Variants in PPP2R5C observed in about 807,000 individuals in gnomAD.
The protein encoded by PPP2R5C is protein phosphatase 2 regulatory subunit B'gamma, also known as serine/threonine-protein phosphatase 2A 56 kDa regulatory subunit gamma isoform.
Under a neutral mutation model 68.9 loss-of-function variants are expected in PPP2R5C, and 7 were observed. That is an observed-to-expected ratio of 0.10 (90% confidence interval 0.06 to 0.19). The LOEUF (loss-of-function observed/expected upper bound fraction) is 0.19, where lower values mean the gene tolerates loss of function less well. Ranked by LOEUF, PPP2R5C falls within the 10% of genes least tolerant of loss-of-function variation. The probability of loss-of-function intolerance (pLI) is 1.00; values close to 1 mark genes in which losing one functional copy is unlikely to be tolerated. For synonymous variants in PPP2R5C, 210 were observed against 222.2 expected (o/e 0.95, Z 0.49); for missense variants, 348 against 641.3 (o/e 0.54, Z 4.94).
chr14:101,854,998 C>T (rs192567284), intron 1 of PPP2R5C, among the ~76,000 whole-genome samples: 43 of 152,202 alleles, frequency 2.8e-4, no homozygotes, highest in African/African-American at 7.0e-4. Context: ...GGTGAAACCC[C>T]GTCTCTACTA....
intron 3 of PPP2R5C, among the ~76,000 whole-genome samples, chr14:101,798,866 G>T (rs956526480): frequency 1.6e-4 from 24 of 152,334 alleles, no homozygotes; most frequent in Middle Eastern, 3.4e-3. Flanking sequence ...TGAGTGGAAG[G>T]CATCCACTCC....
chr14:101,859,149 A>G (rs2042610792), intron 2 of PPP2R5C, among the ~76,000 whole-genome samples: 1 of 152,222 alleles, frequency 6.6e-6, no homozygotes, highest in Non-Finnish European at 1.5e-5. Context: ...GGGTGAGGAA[A>G]TAGAATGGCG....
chr14:101,842,538 A>C (rs1037678051), intron 1 of PPP2R5C, among the ~76,000 whole-genome samples: 1 of 152,138 alleles, frequency 6.6e-6, no homozygotes, highest in African/African-American at 2.4e-5. Context: ...TGTGCTGGTG[A>C]CAGGCATGAG....
intron 1 of PPP2R5C, among the ~76,000 whole-genome samples, chr14:101,840,914 C>T (rs1413367744): frequency 3.3e-5 from 5 of 152,176 alleles, no homozygotes; most frequent in African/African-American, 1.2e-4. Flanking sequence ...AATGTTGCTT[C>T]CGTTGGTTGC....
chr14:101,824,164 T>C, intron 1 of PPP2R5C: 1 of 1,273,998 alleles, frequency 7.8e-7, no homozygotes, highest in Non-Finnish European at 1.0e-6. Flanking sequence ...CAAGAGTATT[T>C]TCGTGGTAAA....
intron 1 of PPP2R5C, chr14:101,824,266 CATG>C: frequency 9.4e-7 from 1 of 1,064,362 alleles, no homozygotes; most frequent in Non-Finnish European, 1.2e-6. Flanking sequence ...AATGATATAG[CATG>C]AAGTTCTTGC....
At chr14:101,860,610 G>A (rs984464117) in intron 2 of PPP2R5C, among the ~76,000 whole-genome samples, 11 of 152,094 alleles carry the variant, frequency 7.2e-5, no homozygotes, top group Admixed American at 1.3e-4. Context: ...CTACCAGACC[G>A]TTTTCACAGT....
rs2045707753 is a variant in PPP2R5C, at chr14:101,901,742, C to T, written c.876C>T (p.Tyr292=). The change falls in exon 9 of 14, where the codon TAC becomes TAT. Residue 292 remains tyrosine, a synonymous_variant. Coordinates refer to ENST00000334743, the Ensembl canonical transcript of PPP2R5C. ...AGGTGGTGATGGCACTTCTCAAATACTGGCCAAAGACTCACAGTCCAAAAG... is the reference window on the plus strand; with the variant it reads ...AGGTGGTGATGGCACTTCTCAAATATTGGCCAAAGACTCACAGTCCAAAAG... 3 of 1,613,704 alleles carry T rather than the reference C, an allele frequency of 1.9e-6. 1 individual carries two copies. Among genetic ancestry groups the T allele is most frequent in the African/African-American group, 2.7e-5 (2 of 74,932 alleles).
chr14:101,764,030 G>GTGCGC (rs1462659583), intron 2 of PPP2R5C, among the ~76,000 whole-genome samples: 20 of 146,146 alleles, frequency 1.4e-4, no homozygotes, highest in Admixed American at 4.7e-4. Flanking sequence ...TGTGTGTGTG[G>GTGCGC]GCGCGCGCAC....
rs2046773355 is a variant in PPP2R5C, at chr14:101,917,873, G to A, written c.1369G>A (p.Ala457Thr). 6.2e-7 allele frequency: 1 copy of A among 1,613,796 alleles called. No homozygotes were observed. Among genetic ancestry groups the A allele is most frequent in the Non-Finnish European group, 8.5e-7 (1 of 1,179,766 alleles). ...AGCCAGCACCATGAGCATTCCGGTT[G>A]CAATGGAGACAGATGGGCCTTTATT... Residue 457 changes from alanine (A) to threonine (T), a missense_variant, in exon 13 of 14, where the codon GCA (alanine) becomes ACA (threonine). This residue lies in a region of PPP2R5C where 118 missense variants were observed against 108.9 expected (regional missense o/e 1.08). Coordinates refer to ENST00000334743, the Ensembl canonical transcript of PPP2R5C. The surrounding 1 kb of genome is among the most constrained non-coding windows in gnomAD (Gnocchi z 4.4).
At chr14:101,871,382 T>G (rs2043404610) in intron 2 of PPP2R5C, among the ~76,000 whole-genome samples, 1 of 152,056 alleles carries the variant, frequency 6.6e-6, no homozygotes, top group African/African-American at 2.4e-5. Flanking sequence ...TAGCTGGGAC[T>G]ACAGGCGCCC....
chr14:101,854,210 G>A (rs528535152), intron 1 of PPP2R5C, among the ~76,000 whole-genome samples: 11 of 152,212 alleles, frequency 7.2e-5, no homozygotes, highest in Admixed American at 5.9e-4. Context: ...GATCCTACAG[G>A]CAGTACACCC....
chr14:101,803,680 C>T (rs1781963222), intron 3 of PPP2R5C, among the ~76,000 whole-genome samples: 1 of 150,872 alleles, frequency 6.6e-6, no homozygotes, highest in Non-Finnish European at 1.5e-5. Context: ...GCAGACATCG[C>T]ACCACTGCAC....
At chr14:101,898,364 G>A (rs993711690) in intron 8 of PPP2R5C, among the ~76,000 whole-genome samples, 6 of 152,112 alleles carry the variant, frequency 3.9e-5, no homozygotes, top group African/African-American at 7.2e-5. Context: ...TCTCTATCCC[G>A]CCATCCACTG....
intron 2 of PPP2R5C, among the ~76,000 whole-genome samples, chr14:101,763,990 A>G (rs1206680509): frequency 6.7e-6 from 1 of 149,184 alleles, no homozygotes; most frequent in African/African-American, 2.5e-5. Flanking sequence ...TTGGTATTTT[A>G]TTATTGTTCA....
At position 101,797,137 on chromosome 14, in the gene PPP2R5C, C is replaced by A. The variant is rs2038648223; in HGVS notation, c.259+10954C>A. 1 of 455,866 alleles carries A rather than the reference C, an allele frequency of 2.2e-6. No homozygotes were observed. 28.2% of individuals were successfully genotyped at this position (455,866 alleles called of 1,614,324 possible). On this transcript the variant is annotated intron_variant, in intron 3 of 14. Coordinates refer to the PPP2R5C transcript ENST00000328724. This position sits in a 1 kb window ranked among gnomAD's most constrained non-coding sequence, Gnocchi z 4.2. The stretch of plus-strand genomic sequence containing the variant: ...TCTATGATTTTGCCCACAGTAGGAG[C>A]CTCTTAGAAGCGGAATCGTACAGTA...
At chr14:101,822,097 C>G (rs2140277324) in intron 1 of PPP2R5C, among the ~76,000 whole-genome samples, 1 of 128,648 alleles carries the variant, frequency 7.8e-6, no homozygotes, top group Middle Eastern at 4.3e-3. Context: ...CCCACACACA[C>G]ACATCCCTTG....
At chr14:101,876,940 CTTTTTTTTTTTTT>C (rs11318528) in intron 2 of PPP2R5C, among the ~76,000 whole-genome samples, 4 of 90,892 alleles carry the variant, frequency 4.4e-5, no homozygotes, top group African/African-American at 1.5e-4. Context: ...AGGATTTACG[CTTTTTTTTTTTTT>C]TTTTTTTTTT....
At chr14:101,777,656 G>A (rs2037492141) in intron 2 of PPP2R5C, among the ~76,000 whole-genome samples, 1 of 151,582 alleles carries the variant, frequency 6.6e-6, no homozygotes, top group Non-Finnish European at 1.5e-5. Context: ...GGCTTTGGAT[G>A]GTAATTTTAT....
Sources: gnomAD v4.1 joint callset for allele counts (sites outside exome capture counted in the v4.1 genomes callset) on GRCh38, gnomAD v4.1.1 for gene constraint, gnomAD v4.1.1 regional missense constraint, Gnocchi (gnomAD v3.1) non-coding constraint, MANE v1.5 for transcripts, NCBI Gene and HGNC (gene_info 2026-07-23, HGNC 2026-07-21) for gene names.